The following MEIS2 variants were observed in gnomAD, a reference collection of about 807,000 sequenced individuals.
MEIS2 encodes the protein Meis homeobox 2.
In MEIS2, 9 loss-of-function variants were observed where a neutral mutation model predicts 58.6. The observed-to-expected ratio is 0.15, with a 90% CI of 0.09 to 0.27. The LOEUF (loss-of-function observed/expected upper bound fraction) is 0.27, where lower values mean the gene tolerates loss of function less well. Ranked by LOEUF, MEIS2 falls within the 10% of genes least tolerant of loss-of-function variation. MEIS2 has a pLI of 1.00. For synonymous variants in MEIS2, 221 were observed against 228.4 expected (o/e 0.97, Z 0.29); for missense variants, 427 against 635.0 (o/e 0.67, Z 3.52).
intron 7 of MEIS2, among the ~76,000 whole-genome samples, chr15:37,074,979 C>T (rs1486646751): frequency 6.6e-6 from 1 of 151,976 alleles, no homozygotes; most frequent in Non-Finnish European, 1.5e-5. Context: ...ATCTGGAGGA[C>T]ATGTGTAGAA....
chr15:37,090,628 TTCTC>T (rs1249012762), intron 6 of MEIS2, among the ~76,000 whole-genome samples: 3 of 152,140 alleles, frequency 2.0e-5, no homozygotes, highest in Non-Finnish European at 2.9e-5. Flanking sequence ...CTCTCTGCTT[TTCTC>T]TCTCTCCTTG....
chr15:36,892,284 G>A lies in MEIS2; in HGVS notation c.1323C>T (p.His441=), dbSNP rs139991974. 48 of 1,613,772 alleles carry A rather than the reference G, an allele frequency of 3.0e-5. No homozygotes were observed. The African/African-American group carries it at 4.3e-4, about 14-fold the overall frequency. Residue 441 remains histidine, a synonymous_variant, in exon 12 of 12, where the codon CAC becomes CAT. Coordinates refer to ENST00000561208, the MANE Select transcript of MEIS2 (RefSeq NM_170675.5). ...SHPHHPAMMM[H]GGPPTHPGMT... is the part of the protein sequence containing the mutation. ...TTCCAGGGTGGGTAGGGGGTCCTCC[G>A]TGCATCATCATGGCTGGGTGGTGGG...
At chr15:37,071,852 T>G (rs1037262630) in intron 7 of MEIS2, among the ~76,000 whole-genome samples, 3 of 152,064 alleles carry the variant, frequency 2.0e-5, no homozygotes, top group African/African-American at 7.2e-5. Context: ...TCACCCAACA[T>G]GCATCAAGCG....
At chr15:37,054,528 C>T (rs2063052297) in intron 7 of MEIS2, among the ~76,000 whole-genome samples, 1 of 152,188 alleles carries the variant, frequency 6.6e-6, no homozygotes, top group African/African-American at 2.4e-5. Context: ...GCGATCCACC[C>T]ACCTCAGCCC....
At chr15:37,078,972 T>C (rs1891830237) in intron 7 of MEIS2, among the ~76,000 whole-genome samples, 1 of 152,140 alleles carries the variant, frequency 6.6e-6, no homozygotes, top group Admixed American at 6.6e-5. Context: ...TAAGCATTTA[T>C]GGGCACCATT....
chr15:37,063,581 C>T (rs1889533928), intron 7 of MEIS2, among the ~76,000 whole-genome samples: 1 of 152,196 alleles, frequency 6.6e-6, no homozygotes, highest in Non-Finnish European at 1.5e-5. Context: ...GAGTAGCTGT[C>T]AAGCATTAGC....
In MEIS2 at chr15:37,005,206, C is replaced by T. The variant is rs377477639; in HGVS notation, c.900+31608G>A. On this transcript the variant is annotated intron_variant, in intron 8 of 11. Transcript: ENST00000561208. ...ATGCCCTCACCATGATGTTATCCAG[C>T]CACTCCTGGTGAAAGTGAGTTTTTC... Among the ~76,000 whole-genome samples, 48 of 152,316 alleles carry T rather than the reference C, an allele frequency of 3.2e-4. 2 individuals carry two copies. The South Asian group carries it at 9.3e-3, about 30-fold the overall frequency.
chr15:37,096,625 C>T (rs1212498887), intron 2 of MEIS2, 195 bp from the exon 3 acceptor site: 2 of 543,168 alleles, frequency 3.7e-6, no homozygotes, highest in East Asian at 7.0e-5. Flanking sequence ...CTGGCCCTCT[C>T]CCGCAGCTCA....
In MEIS2 at chr15:37,021,483, T is replaced by C. The variant is rs530045580; in HGVS notation, c.900+15331A>G. On this transcript the variant is annotated intron_variant, in intron 8 of 11. Coordinates refer to ENST00000561208, the MANE Select transcript of MEIS2 (RefSeq NM_170675.5). ...ATGTATGACAAAGGCCTGTCTAATATCTTGCCTGTCTCATTTCCAATGTTA... is the reference window on the plus strand; with the variant it reads ...ATGTATGACAAAGGCCTGTCTAATACCTTGCCTGTCTCATTTCCAATGTTA... 3.3e-5 allele frequency among the ~76,000 whole-genome samples: 5 copies of C among 152,376 alleles called. No homozygotes were observed. In the South Asian group the frequency reaches 8.3e-4, roughly 25 times the overall value.
intron 8 of MEIS2, among the ~76,000 whole-genome samples, chr15:37,027,681 T>C (rs1042805961): frequency 3.3e-5 from 5 of 152,282 alleles, no homozygotes; most frequent in Middle Eastern, 3.4e-3. Flanking sequence ...TGCTAAACTT[T>C]GAGCTAATAA....
At chr15:36,914,406 T>G (rs1303205903) in intron 9 of MEIS2, among the ~76,000 whole-genome samples, 1 of 152,264 alleles carries the variant, frequency 6.6e-6, no homozygotes, top group Non-Finnish European at 1.5e-5. Flanking sequence ...GGTATGTGAT[T>G]AATTGCTACG....
intron 9 of MEIS2, among the ~76,000 whole-genome samples, chr15:36,934,531 A>G (rs1372691967): frequency 6.6e-6 from 1 of 152,210 alleles, no homozygotes; most frequent in Non-Finnish European, 1.5e-5. Flanking sequence ...TTTTAACTTG[A>G]AGGCATTTAA....
chr15:36,953,946 C>T (rs182917780), intron 8 of MEIS2, among the ~76,000 whole-genome samples: 1 of 152,254 alleles, frequency 6.6e-6, no homozygotes, highest in African/African-American at 2.4e-5. Flanking sequence ...ACCTAATAGT[C>T]AACTTCTTTT....
chr15:37,096,613 G>T (rs1460906298), intron 2 of MEIS2, 183 bp from the exon 3 acceptor site: 14 of 626,690 alleles, frequency 2.2e-5, no homozygotes, highest in Non-Finnish European at 3.2e-5. Flanking sequence ...AGGGAAAAGG[G>T]CCTGGCCCTC....
intron 11 of MEIS2, among the ~76,000 whole-genome samples, chr15:36,893,507 C>T (rs927785419): frequency 3.3e-5 from 5 of 152,200 alleles, no homozygotes; most frequent in African/African-American, 1.2e-4. Context: ...CAGCAGCCTG[C>T]TCAATGGATG....
intron 7 of MEIS2, among the ~76,000 whole-genome samples, chr15:37,037,405 G>T (rs936629444): frequency 2.6e-5 from 4 of 152,048 alleles, no homozygotes; most frequent in Non-Finnish European, 5.9e-5. Flanking sequence ...TGCACATAAC[G>T]CACTGCCTGC....
rs1470434838 is a variant in MEIS2 at position 36,971,146 on chromosome 15, A to G, written c.901-20746T>C. On this transcript the variant is annotated intron_variant, in intron 8 of 11. Coordinates refer to ENST00000561208, the MANE Select transcript of MEIS2 (RefSeq NM_170675.5). ...AAAGTCGATTTACCTGCCTCTGGCT[A>G]GTAACAGGAAAAAGGAATAATCAGA... Among the ~76,000 whole-genome samples, 8 of 152,128 alleles carry G rather than the reference A, an allele frequency of 5.3e-5. No individual in the cohort carries two copies. The East Asian group carries it at 1.5e-3, about 29-fold the overall frequency.
At chr15:36,996,649 A>G (rs908523174) in intron 8 of MEIS2, among the ~76,000 whole-genome samples, 2 of 152,224 alleles carry the variant, frequency 1.3e-5, no homozygotes, top group Non-Finnish European at 2.9e-5. Flanking sequence ...GTCAAATATC[A>G]TGGCCCAAAA....
chr15:37,044,166 A>T (rs867699349), intron 7 of MEIS2, among the ~76,000 whole-genome samples: 1 of 152,214 alleles, frequency 6.6e-6, no homozygotes, highest in East Asian at 1.9e-4. Context: ...GTCAAAGGCC[A>T]CACAGAAAGT....
Sources: allele counts gnomAD v4.1 joint callset (sites outside exome capture counted in the v4.1 genomes callset), GRCh38; gene constraint gnomAD v4.1.1; transcripts MANE v1.5; gene names NCBI Gene and HGNC (gene_info 2026-07-23, HGNC 2026-07-21).